The following RNF145 variants were observed in gnomAD, a reference collection of about 807,000 sequenced individuals.
RNF145 encodes ring finger protein 145.
In RNF145, 12 loss-of-function variants were observed where a neutral mutation model predicts 57.3. That is an observed-to-expected ratio of 0.21 (90% CI 0.13 to 0.34). The LOEUF (loss-of-function observed/expected upper bound fraction) is 0.34. Among genes scored for constraint, RNF145 ranks in the 10% least tolerant of loss-of-function variants. The pLI, the probability that RNF145 is intolerant of heterozygous loss-of-function variation, is 1.00. For missense variants in RNF145, 429 were observed against 799.0 expected (o/e 0.54, Z 5.58); for synonymous variants, 262 against 288.3 (o/e 0.91, Z 0.92).
In RNF145 at chr5:159,209,442, G is replaced by A; in HGVS notation, c.-251C>T. 9 of 984,784 alleles carry A rather than the reference G, an allele frequency of 9.1e-6. No homozygotes were observed. Among genetic ancestry groups the A allele is most frequent in the Non-Finnish European group, 8.4e-6 (7 of 828,874 alleles). The allele number at this position is 984,784 out of a possible 1,614,324, so 61.0% of individuals were successfully genotyped here. ...CAGCGGCAGCGGCCCGGCCCGTACG[G>A]TCACCATCGTCCGCGGCAGCAGGCG... On this transcript the variant is annotated 5_prime_UTR_variant, in exon 1 of 11. Transcript: ENST00000424310.
intron 8 of RNF145, among the ~76,000 whole-genome samples, chr5:159,165,016 T>G (rs1784346645): frequency 6.6e-6 from 1 of 152,254 alleles, no homozygotes; most frequent in East Asian, 1.9e-4. Context: ...AGGACGCTTT[T>G]CCTTTCCTTT....
intron 8 of RNF145, among the ~76,000 whole-genome samples, chr5:159,166,899 G>A (rs1406350828): frequency 6.6e-6 from 1 of 152,080 alleles, no homozygotes; most frequent in Non-Finnish European, 1.5e-5. Context: ...TGAGGCAGGA[G>A]GACTGCTTGA....
rs536271360 is a variant in RNF145, at chr5:159,165,490, G to A, written c.1122-2411C>T. Among the ~76,000 whole-genome samples, 22 of 12,762 alleles carry A rather than the reference G, an allele frequency of 1.7e-3. 10 individuals are homozygous for A. The African/African-American group carries it at 0.02, about 12-fold the overall frequency. 8.4% of individuals were successfully genotyped at this position (12,762 alleles called of 152,430 possible). ...GAGGTCAGGAGATCGAGACCATCCC[G>A]GCTAAAACGGTGAAACCCCGTCTCT... On this transcript the variant is annotated intron_variant, in intron 8 of 10. Coordinates refer to ENST00000424310, the MANE Select transcript of RNF145 (RefSeq NM_001199383.2).
Position 159,209,275 on chromosome 5 carries a change from G to A in RNF145, c.-84C>T. On this transcript the variant is annotated 5_prime_UTR_variant, in exon 1 of 11. Coordinates refer to ENST00000424310, the MANE Select transcript of RNF145 (RefSeq NM_001199383.2). ...CCCTGGGGAGCGGCGCTGCCGGCGG[G>A]CGGGCTCCGCAACTCCCCGGCTCTC... The A allele has an allele frequency of 1.0e-6, 1 of 985,352 alleles. No individual in the cohort carries two copies. Among genetic ancestry groups the A allele is most frequent in the Non-Finnish European group, 1.2e-6 (1 of 829,850 alleles). 61.0% of individuals were successfully genotyped at this position (985,352 alleles called of 1,614,324 possible).
chr5:159,189,910 AG>A (rs1345188296), intron 3 of RNF145, among the ~76,000 whole-genome samples: 1 of 152,204 alleles, frequency 6.6e-6, no homozygotes. Context: ...GGGGGCAGGG[AG>A]GGTGGTGGGA....
chr5:159,202,870 C>T (rs1463569928), intron 2 of RNF145, among the ~76,000 whole-genome samples: 2 of 151,756 alleles, frequency 1.3e-5, no homozygotes, highest in East Asian at 3.9e-4. Context: ...TTACCACTAA[C>T]CCCATAGCAT....
intron 4 of RNF145, among the ~76,000 whole-genome samples, chr5:159,177,291 G>A (rs1226690548): frequency 1.3e-5 from 2 of 152,040 alleles, no homozygotes; most frequent in African/African-American, 4.8e-5. Flanking sequence ...ACTTGTTCAA[G>A]ATCATACTGC....
At chr5:159,192,398 C>T (rs897092118) in intron 3 of RNF145, among the ~76,000 whole-genome samples, 1 of 152,094 alleles carries the variant, frequency 6.6e-6, no homozygotes, top group Non-Finnish European at 1.5e-5. Context: ...AAAGGGCAGG[C>T]TCACAGTTTT....
chr5:159,163,383 A>C (rs1310062861), intron 8 of RNF145, among the ~76,000 whole-genome samples: 1 of 152,322 alleles, frequency 6.6e-6, no homozygotes, highest in African/African-American at 2.4e-5. Flanking sequence ...AAACCTTAAC[A>C]ATTTCAATAA....
chr5:159,209,642 A>C, upstream of RNF145: 3 of 1,005,690 alleles, frequency 3.0e-6, no homozygotes, highest in East Asian at 3.5e-5. Context: ...GCGCTCACTC[A>C]CAATCGCGCC....
At chr5:159,210,022 C>T (rs76745566), upstream of RNF145, 331 of 803,490 alleles carry the variant, frequency 4.1e-4, 1 homozygote, top group African/African-American at 5.1e-3. Context: ...GGCACTCAAA[C>T]CCCTGTGGAG....
intron 3 of RNF145, among the ~76,000 whole-genome samples, chr5:159,182,916 C>T (rs1313883653): frequency 3.3e-5 from 5 of 151,948 alleles, no homozygotes; most frequent in Non-Finnish European, 7.4e-5. Flanking sequence ...GAGAACATTT[C>T]AAGTATTTCC....
intron 4 of RNF145, among the ~76,000 whole-genome samples, chr5:159,178,041 C>T (rs1366611612): frequency 6.6e-6 from 1 of 151,894 alleles, no homozygotes; most frequent in Non-Finnish European, 1.5e-5. Flanking sequence ...TTTTAAATAA[C>T]TTTATTCTCT....
chr5:159,207,569 T>A, intron 1 of RNF145: 1 of 1,593,148 alleles, frequency 6.3e-7, no homozygotes, highest in Non-Finnish European at 8.5e-7. Context: ...GGGCTGTCCA[T>A]CGGTTAGGAT....
At chr5:159,207,283 A>G (rs1335742691) in intron 1 of RNF145, among the ~76,000 whole-genome samples, 1 of 152,182 alleles carries the variant, frequency 6.6e-6, no homozygotes, top group Non-Finnish European at 1.5e-5. Context: ...CTGAAGAACT[A>G]TGTCAAATAA....
At chr5:159,200,053 G>A (rs746547920) in intron 2 of RNF145, among the ~76,000 whole-genome samples, 11 of 152,158 alleles carry the variant, frequency 7.2e-5, no homozygotes, top group Non-Finnish European at 1.6e-4. Flanking sequence ...AATGTCAGGA[G>A]GCTGCGGCAG....
At chr5:159,175,395 G>T (rs1008899731) in intron 5 of RNF145, among the ~76,000 whole-genome samples, 19 of 152,078 alleles carry the variant, frequency 1.2e-4, no homozygotes, top group South Asian at 4.1e-4. Context: ...ACATCTAGTT[G>T]ATGTATGAAT....
intron 8 of RNF145, among the ~76,000 whole-genome samples, chr5:159,166,083 A>AG (rs1304930503): frequency 6.6e-6 from 1 of 152,122 alleles, no homozygotes; most frequent in East Asian, 1.9e-4. Context: ...CCCCCATCAT[A>AG]GGTATTGGCA....
chr5:159,170,203 T>C (rs538333738), intron 6 of RNF145, among the ~76,000 whole-genome samples: 1 of 152,342 alleles, frequency 6.6e-6, no homozygotes, highest in Admixed American at 6.5e-5. Context: ...TTCAAATTGT[T>C]CACTGTGCTA....
Sources: gnomAD v4.1 joint callset for allele counts (sites outside exome capture counted in the v4.1 genomes callset) on GRCh38, gnomAD v4.1.1 for gene constraint, MANE v1.5 for transcripts, NCBI Gene and HGNC (gene_info 2026-07-23, HGNC 2026-07-21) for gene names.